Variants in LONRF1 observed in about 807,000 individuals in gnomAD.
The protein encoded by LONRF1 is LON peptidase N-terminal domain and ring finger 1, also known as LON peptidase N-terminal domain and RING finger protein 1.
Under a neutral mutation model 85.8 loss-of-function variants are expected in LONRF1, and 37 were observed. That is an observed-to-expected ratio of 0.43 (90% CI 0.33 to 0.57). The LOEUF is 0.57. Ranked by LOEUF, LONRF1 falls within the 20% of genes least tolerant of loss-of-function variation. The probability of loss-of-function intolerance (pLI) is 0.04; values close to 1 mark genes in which losing one functional copy is unlikely to be tolerated. For synonymous variants in LONRF1, 517 were observed against 390.1 expected (o/e 1.33, Z -3.83); for missense variants, 1,036 against 978.0 (o/e 1.06, Z -0.79).
chr8:12,726,496 C>A (rs1412460294), intron 10 of LONRF1, among the ~76,000 whole-genome samples: 2 of 152,220 alleles, frequency 1.3e-5, no homozygotes, highest in Non-Finnish European at 2.9e-5. Flanking sequence ...ACCTCTGGAA[C>A]CCCTCAGTGT....
chr8:12,735,025 A>C (rs1356968792), intron 7 of LONRF1, among the ~76,000 whole-genome samples: 1 of 152,218 alleles, frequency 6.6e-6, no homozygotes, highest in East Asian at 1.9e-4. Flanking sequence ...CCAGATAACT[A>C]ACCATACCCA....
At chr8:12,727,857 C>T (rs1798379990) in intron 10 of LONRF1, among the ~76,000 whole-genome samples, 1 of 152,180 alleles carries the variant, frequency 6.6e-6, no homozygotes, top group Admixed American at 6.5e-5. Context: ...GGACTGCCAA[C>T]GTCAGACTAA....
At chr8:12,744,545 G>A (rs560461501) in intron 1 of LONRF1, among the ~76,000 whole-genome samples, 5 of 152,260 alleles carry the variant, frequency 3.3e-5, no homozygotes, top group African/African-American at 1.2e-4. Context: ...CCTAGACCCT[G>A]TAGGTATTCA....
At chr8:12,727,150 C>G (rs10095845) in intron 10 of LONRF1, 136 of 143,822 alleles carry the variant, frequency 9.5e-4, no homozygotes, top group African/African-American at 3.4e-3. Flanking sequence ...AGCATCTGCT[C>G]TGCACCCTCA....
chr8:12,745,596 C>T (rs543489670), intron 1 of LONRF1, among the ~76,000 whole-genome samples: 4 of 152,216 alleles, frequency 2.6e-5, no homozygotes, highest in Admixed American at 2.6e-4. Flanking sequence ...CTTGAGGACA[C>T]TACAGACGAG....
intron 1 of LONRF1, chr8:12,753,841 C>T (rs763011834): frequency 2.0e-5 from 3 of 152,280 alleles, no homozygotes; most frequent in Non-Finnish European, 4.4e-5. Flanking sequence ...TCCCCACAGC[C>T]TGATCCTAAG....
chr8:12,755,068 C>T lies in LONRF1; in HGVS notation c.353G>A (p.Gly118Asp), dbSNP rs1799584794. ...APVAGADGGA[G>D]GLLRCLGCRG... ...GCAGCCCAGGCATCTGAGGAGCCCG[C>T]CGGCGCCGCCGTCAGCGCCTGCAAC... The change falls in exon 1 of 12, where the codon GGC becomes GAC. Residue 118 changes from glycine (G) to aspartate (D), a missense_variant. Around this residue, in one of 3 missense-constraint regions of LONRF1, gnomAD observed 742 missense variants for 614.4 expected, o/e 1.21. Coordinates refer to ENST00000398246, the MANE Select transcript of LONRF1 (RefSeq NM_152271.5). The T allele has an allele frequency of 3.4e-6, 5 of 1,473,348 alleles. No homozygotes were observed. The highest frequency in any genetic ancestry group is 3.0e-5 in the East Asian group (1 of 33,852). The allele number at this position is 1,473,348 out of a possible 1,614,324, so 91.3% of individuals were successfully genotyped here.
At chr8:12,745,032 G>T (rs4831784) in intron 1 of LONRF1, among the ~76,000 whole-genome samples, 1 of 151,938 alleles carries the variant, frequency 6.6e-6, no homozygotes, top group Non-Finnish European at 1.5e-5. Context: ...AGTGAAAGAA[G>T]TGACTCAGAA....
Position 12,739,165 on chromosome 8 carries a change from A to G in LONRF1, c.964-1021T>C, listed in dbSNP as rs182184937. On this transcript the variant is annotated intron_variant, in intron 3 of 11. Transcript: ENST00000398246. ...AGGGATGTAAAAACATATGTCCACA[A>G]AATGACTTGTACAAGAATACTCATA... is the stretch of plus-strand genomic sequence containing the variant. 1.6e-3 allele frequency among the ~76,000 whole-genome samples: 246 copies of G among 152,244 alleles called. 2 individuals carry two copies. The highest frequency in any genetic ancestry group is 5.7e-3 in the African/African-American group (237 of 41,562).
At chr8:12,725,431 G>A (rs1295337208) in intron 11 of LONRF1, among the ~76,000 whole-genome samples, 6 of 152,146 alleles carry the variant, frequency 3.9e-5, no homozygotes, top group Non-Finnish European at 8.8e-5. Flanking sequence ...GTAACATCCC[G>A]TTTTTAATTC....
At chr8:12,743,941 T>C (rs1799042756) in intron 1 of LONRF1, among the ~76,000 whole-genome samples, 1 of 152,192 alleles carries the variant, frequency 6.6e-6, no homozygotes, top group Non-Finnish European at 1.5e-5. Context: ...TCCACATCTG[T>C]ACTTAAGAAG....
At chr8:12,731,045 A>T (rs1462022626) in intron 8 of LONRF1, among the ~76,000 whole-genome samples, 1 of 152,208 alleles carries the variant, frequency 6.6e-6, no homozygotes, top group Non-Finnish European at 1.5e-5. Context: ...AAGTGACTGC[A>T]CAAGAGGGAA....
intron 10 of LONRF1, among the ~76,000 whole-genome samples, chr8:12,726,814 C>T (rs1350348479): frequency 2.6e-5 from 4 of 152,238 alleles, no homozygotes; most frequent in East Asian, 3.9e-4. Context: ...AAAAATAAGA[C>T]TACAGCACAC....
chr8:12,724,181 CCT>C (rs1261423773), intron 11 of LONRF1, among the ~76,000 whole-genome samples: 1 of 152,166 alleles, frequency 6.6e-6, no homozygotes, highest in Admixed American at 6.5e-5. Flanking sequence ...TCTAAAATCC[CCT>C]CTGCCATAGG....
Position 12,728,932 on chromosome 8 carries a change from G to A in LONRF1, c.1979C>T (p.Thr660Ile), listed in dbSNP as rs1323894932. The A allele has an allele frequency of 2.5e-6, 4 of 1,613,986 alleles. No individual in the cohort carries two copies. The East Asian group carries it at 6.7e-5, about 27-fold the overall frequency. ...ATCTTCCAGATATTCAATGTCGGCAGTGCAATATCCATCTTTCATTCCTCT... is the reference window on the plus strand; with the variant it reads ...ATCTTCCAGATATTCAATGTCGGCAATGCAATATCCATCTTTCATTCCTCT... ...LKRGMKDGYC[T>I]ADIEYLEDVK... Residue 660 changes from threonine (T) to isoleucine (I), a missense_variant, in exon 10 of 12, where the codon ACT (threonine) becomes ATT (isoleucine). Thr to Ile is a moderately conservative substitution (Grantham distance 89, BLOSUM62 -1). Coordinates refer to ENST00000398246, the MANE Select transcript of LONRF1 (RefSeq NM_152271.5).
Position 12,738,040 on chromosome 8 carries a change from T to G in LONRF1, c.1068A>C (p.Ser356=), listed in dbSNP as rs760725996. 2.5e-5 allele frequency: 41 copies of G among 1,610,730 alleles called. No individual in the cohort carries two copies. Among genetic ancestry groups the G allele is most frequent in the Non-Finnish European group, 3.4e-5 (40 of 1,178,568 alleles). Residue 356 remains serine, a synonymous_variant, in exon 4 of 12, where the codon TCA becomes TCC. Coordinates refer to ENST00000398246, the MANE Select transcript of LONRF1 (RefSeq NM_152271.5). ...TGAGAGACTGAGACTCTTCCATCAC[T>G]GAATGAAAATCAAAAGGTCTGTTTT... ...CTKNRPFDFH[S]VMEESQSLNE...
Position 12,736,991 on chromosome 8 carries a change from T to A in LONRF1, c.1263A>T (p.Glu421Asp), listed in dbSNP as rs762854934. The change falls in exon 5 of 12, where the codon GAA becomes GAT. Residue 421 changes from glutamate to aspartate, a missense_variant. This residue lies in a region of LONRF1 where 742 missense variants were observed against 614.4 expected (regional missense o/e 1.21). Coordinates refer to ENST00000398246, the MANE Select transcript of LONRF1 (RefSeq NM_152271.5). The stretch of plus-strand genomic sequence containing the variant: ...ACTTTCTTTTCAGCAGAACACCTTT[T>A]TCTTGAACTGACAGAACAGGTTCTG... ...VSSEPVLSVQ[E>D]KGVLLKRKLS... 1.9e-5 allele frequency: 31 copies of A among 1,613,526 alleles called. No homozygotes were observed. The highest frequency in any genetic ancestry group is 2.5e-5 in the Non-Finnish European group (29 of 1,179,738).
intron 10 of LONRF1, 43 bp downstream of exon 10, chr8:12,728,858 C>G: frequency 6.2e-7 from 1 of 1,609,498 alleles, no homozygotes; most frequent in Non-Finnish European, 8.5e-7. Context: ...ATCCCTGGAA[C>G]AGGATATACG....
At chr8:12,738,420 C>T (rs1056993311) in intron 3 of LONRF1, among the ~76,000 whole-genome samples, 5 of 152,096 alleles carry the variant, frequency 3.3e-5, no homozygotes, top group African/African-American at 4.8e-5. Context: ...TCTTTCAACA[C>T]AAAGACTATA....
Sources: gnomAD v4.1 joint callset for allele counts (sites outside exome capture counted in the v4.1 genomes callset) on GRCh38, gnomAD v4.1.1 for gene constraint, gnomAD v4.1.1 regional missense constraint, MANE v1.5 for transcripts, NCBI Gene and HGNC (gene_info 2026-07-23, HGNC 2026-07-21) for gene names.